Variants in ADGRL3 observed in about 807,000 individuals in gnomAD.
ADGRL3 encodes the protein calcium-independent alpha-latrotoxin receptor 3.
Under a neutral mutation model 153.5 loss-of-function variants are expected in ADGRL3, and 62 were observed. That is an observed-to-expected ratio of 0.40 (90% confidence interval 0.33 to 0.50). ADGRL3 has a LOEUF of 0.50. ADGRL3 is among the 20% of genes least tolerant of loss of function. ADGRL3 has a pLI of 0.47. For missense variants in ADGRL3, 1,641 were observed against 1,859.4 expected (o/e 0.88, Z 2.16); for synonymous variants, 710 against 672.5 (o/e 1.06, Z -0.86).
chr4:62,048,058 G>A (rs1234895374), intron 25 of ADGRL3, among the ~76,000 whole-genome samples: 2 of 152,154 alleles, frequency 1.3e-5, no homozygotes, highest in Admixed American at 1.3e-4. Flanking sequence ...TACCTTGAAG[G>A]TGTAGTCAGC....
chr4:61,465,763 A>ATATATATATATATATG (rs2097873230), intron 2 of ADGRL3, among the ~76,000 whole-genome samples: 1 of 145,664 alleles, frequency 6.9e-6, no homozygotes, highest in South Asian at 2.1e-4. Flanking sequence ...ATATAAATAT[A>ATATATATATATATATG]TATATATATA....
intron 16 of ADGRL3, 67 bp from the exon 17 acceptor site, chr4:61,948,033 A>G: frequency 7.4e-7 from 1 of 1,354,080 alleles, no homozygotes; most frequent in Non-Finnish European, 1.0e-6. Flanking sequence ...TATGTAAAGA[A>G]AATGCCAACC....
chr4:61,963,472 T>C (rs2098995716), intron 17 of ADGRL3, among the ~76,000 whole-genome samples: 3 of 152,170 alleles, frequency 2.0e-5, no homozygotes. Context: ...TGTTTATGTG[T>C]AGTCGATATT....
At position 61,210,804 on chromosome 4, in the gene ADGRL3, A is replaced by C. The variant is rs182585937; in HGVS notation, c.-240+9039A>C. Among the ~76,000 whole-genome samples the C allele has an allele frequency of 1.7e-3, 255 of 152,290 alleles. 1 individual carries two copies. The highest frequency in any genetic ancestry group is 5.8e-3 in the South Asian group (28 of 4,828). Reference sequence around the variant, plus strand: ...GGCGTGGACAAAGAACCTATTGAGAAATCATTTTCTGTTAACACAAGGCAT... The same window carrying C: ...GGCGTGGACAAAGAACCTATTGAGACATCATTTTCTGTTAACACAAGGCAT... On this transcript the variant is annotated intron_variant, in intron 1 of 26. Coordinates refer to ENST00000683033, the MANE Select transcript of ADGRL3 (RefSeq NM_001387552.1).
At chr4:61,327,408 T>TTTAGACAGTTCTAAAATGTCCA (rs2095488084) in intron 1 of ADGRL3, among the ~76,000 whole-genome samples, 1 of 151,740 alleles carries the variant, frequency 6.6e-6, no homozygotes, top group Non-Finnish European at 1.5e-5. Context: ...CTTTTTCCAT[T>TTTAGACAGTTCTAAAATGTCCA]TTAGAACTGT....
intron 3 of ADGRL3, among the ~76,000 whole-genome samples, chr4:61,512,824 G>A (rs1430543661): frequency 6.6e-6 from 1 of 152,072 alleles, no homozygotes; most frequent in Non-Finnish European, 1.5e-5. Context: ...AGGATTAGGC[G>A]GGTATGTTCA....
chr4:61,979,695 A>T lies in ADGRL3; in HGVS notation c.2938A>T (p.Ile980Phe). ...FRGLQSDRNT[I>F]HKNLCISLFV... ...GGGGCTCCAGAGTGACCGTAACACC[A>T]TCCACAAGAACCTCTGCATCAGTCT... Residue 980 changes from isoleucine to phenylalanine, a missense_variant, in exon 18 of 27, where the codon ATC (isoleucine) becomes TTC (phenylalanine). Around this residue, in one of 5 missense-constraint regions of ADGRL3, gnomAD observed 734 missense variants for 797.0 expected, o/e 0.92. Transcript: ENST00000683033. 6.2e-7 allele frequency: 1 copy of T among 1,613,900 alleles called. No individual in the cohort carries two copies. The highest frequency in any genetic ancestry group is 8.5e-7 in the Non-Finnish European group (1 of 1,179,906).
intron 4 of ADGRL3, among the ~76,000 whole-genome samples, chr4:61,575,217 T>C (rs2098865833): frequency 6.6e-6 from 1 of 152,032 alleles, no homozygotes; most frequent in Non-Finnish European, 1.5e-5. Context: ...CAAGTAAATG[T>C]CTGTTTTTAA....
At chr4:61,455,460 T>C (rs2097723545) in intron 2 of ADGRL3, among the ~76,000 whole-genome samples, 1 of 152,132 alleles carries the variant, frequency 6.6e-6, no homozygotes, top group Admixed American at 6.6e-5. Flanking sequence ...AAATAATTCA[T>C]TTATTCAAGA....
intron 2 of ADGRL3, among the ~76,000 whole-genome samples, chr4:61,466,103 A>G (rs941926179): frequency 6.6e-6 from 1 of 152,098 alleles, no homozygotes; most frequent in African/African-American, 2.4e-5. Flanking sequence ...TCTGGGCGAC[A>G]GAGCAAGACT....
chr4:61,562,281 A>T (rs1223743665), intron 4 of ADGRL3, among the ~76,000 whole-genome samples: 1 of 152,130 alleles, frequency 6.6e-6, no homozygotes, highest in African/African-American at 2.4e-5. Context: ...CCTGATGCTG[A>T]TGGCTTCTGA....
At chr4:61,836,944 G>T (rs1283827058) in intron 9 of ADGRL3, among the ~76,000 whole-genome samples, 1 of 152,024 alleles carries the variant, frequency 6.6e-6, no homozygotes, top group Non-Finnish European at 1.5e-5. Context: ...ATAAAATAAG[G>T]ATAAGAAAGG....
At position 61,760,375 on chromosome 4, in the gene ADGRL3, G is replaced by A. The variant is rs560091179; in HGVS notation, c.1399+26821G>A. The stretch of plus-strand genomic sequence containing the variant: ...GGCAATGGCGGGCGCCCCTCCCCCA[G>A]TCTCGCTGCTGCCTTGCCGTTTGAT... On this transcript the variant is annotated intron_variant, in intron 8 of 26. Coordinates refer to ENST00000683033, the MANE Select transcript of ADGRL3 (RefSeq NM_001387552.1). Among the ~76,000 whole-genome samples the A allele has an allele frequency of 4.6e-5, 7 of 152,234 alleles. No homozygotes were observed. The East Asian group carries it at 1.4e-3, about 30-fold the overall frequency.
At chr4:61,677,117 C>T in intron 6 of ADGRL3, 182 bp downstream of exon 6, 1 of 535,024 alleles carries the variant, frequency 1.9e-6, no homozygotes, top group South Asian at 2.4e-5. Flanking sequence ...ATTGCCTACC[C>T]TCTCCTACGG....
intron 5 of ADGRL3, among the ~76,000 whole-genome samples, chr4:61,612,464 T>G (rs2091478867): frequency 6.6e-6 from 1 of 152,224 alleles, no homozygotes; most frequent in South Asian, 2.1e-4. Flanking sequence ...ACCTTTTAGT[T>G]ATTTGTTGGA....
At chr4:61,688,082 C>T (rs1187618664) in intron 6 of ADGRL3, among the ~76,000 whole-genome samples, 2 of 151,970 alleles carry the variant, frequency 1.3e-5, no homozygotes, top group African/African-American at 4.8e-5. Context: ...GGGAAAGGAA[C>T]TCCATACTAT....
At chr4:61,276,813 C>T (rs2093481975) in intron 1 of ADGRL3, among the ~76,000 whole-genome samples, 1 of 152,064 alleles carries the variant, frequency 6.6e-6, no homozygotes, top group South Asian at 2.1e-4. Flanking sequence ...CCTAGGCATA[C>T]TGCTTAACAC....
intron 9 of ADGRL3, among the ~76,000 whole-genome samples, chr4:61,821,747 T>C (rs1365930311): frequency 1.3e-5 from 2 of 152,200 alleles, no homozygotes; most frequent in Non-Finnish European, 2.9e-5. Context: ...ATGGTTCAAC[T>C]GACACATAAT....
chr4:61,974,341 T>C (rs2099040517), intron 17 of ADGRL3, among the ~76,000 whole-genome samples: 1 of 152,170 alleles, frequency 6.6e-6, no homozygotes, highest in South Asian at 2.1e-4. Context: ...GGAAATGTTA[T>C]AAAGTGAAAT....
Sources: allele counts gnomAD v4.1 joint callset (sites outside exome capture counted in the v4.1 genomes callset), GRCh38; gene constraint gnomAD v4.1.1; regional missense constraint gnomAD v4.1.1; transcripts MANE v1.5; gene names NCBI Gene and HGNC (gene_info 2026-07-23, HGNC 2026-07-21).